The following KDM4B variants were observed in gnomAD, a reference collection of about 807,000 sequenced individuals.
KDM4B encodes lysine demethylase 4B, also known as lysine-specific demethylase 4B.
A neutral mutation model predicts 125.2 loss-of-function variants in KDM4B; 32 were observed. The observed-to-expected ratio is 0.26, with a 90% confidence interval of 0.19 to 0.34. The LOEUF is 0.34. KDM4B is among the 10% of genes least tolerant of loss of function. The pLI is 1.00. For missense variants in KDM4B, 1,190 were observed against 1,577.7 expected (o/e 0.75, Z 4.16); for synonymous variants, 721 against 677.9 (o/e 1.06, Z -0.99).
chr19:5,060,692 G>T (rs1045417902), intron 6 of KDM4B, among the ~76,000 whole-genome samples: 5 of 152,136 alleles, frequency 3.3e-5, no homozygotes, highest in Admixed American at 3.3e-4. Flanking sequence ...CGGTTTGACG[G>T]CAGGCACGTG....
At chr19:4,975,172 G>A (rs770498724) in intron 1 of KDM4B, among the ~76,000 whole-genome samples, 5 of 152,124 alleles carry the variant, frequency 3.3e-5, no homozygotes, top group Non-Finnish European at 7.4e-5. Context: ...TGGAAGGGCC[G>A]GAGAATAAAT....
intron 6 of KDM4B, among the ~76,000 whole-genome samples, chr19:5,057,029 CGTGTGTGTGTGTGT>C (rs74170763): frequency 3.9e-4 from 56 of 144,184 alleles, no homozygotes; most frequent in Middle Eastern, 3.5e-3. Flanking sequence ...GATATATATG[CGTGTGTGTGTGTGT>C]GTGTGTGTGT....
Position 4,993,531 on chromosome 19 carries a change from A to G in KDM4B, c.-108-22726A>G, listed in dbSNP as rs560181659. Among the ~76,000 whole-genome samples, 10 of 151,504 alleles carry G rather than the reference A, an allele frequency of 6.6e-5. No individual in the cohort carries two copies. The East Asian group carries it at 1.4e-3, about 20-fold the overall frequency. ...TGGGGCTCTGTTATTAGATGCATAT[A>G]TGTTTATAATTGCTGTATCTTGCTA... On this transcript the variant is annotated intron_variant, in intron 1 of 22. Coordinates refer to ENST00000159111, the MANE Select transcript of KDM4B (RefSeq NM_015015.3).
intron 2 of KDM4B, among the ~76,000 whole-genome samples, chr19:5,030,460 G>A (rs1359802820): frequency 2.0e-5 from 3 of 152,226 alleles, no homozygotes; most frequent in African/African-American, 7.2e-5. Flanking sequence ...GTCAGAGCCT[G>A]CAGAGGGGGG....
chr19:5,101,264 A>G, intron 9 of KDM4B, among the ~76,000 whole-genome samples: 1 of 149,196 alleles, frequency 6.7e-6, no homozygotes, highest in Non-Finnish European at 1.5e-5. Flanking sequence ...TCTGTTTCTT[A>G]CCAGGTTTTT....
intron 1 of KDM4B, among the ~76,000 whole-genome samples, chr19:5,005,126 G>T (rs145300569): frequency 9.2e-5 from 14 of 152,212 alleles, no homozygotes; most frequent in African/African-American, 3.4e-4. Context: ...TTGGAGATGC[G>T]TCTGTGCAGC....
rs2291147 is a variant in KDM4B, at chr19:5,077,829, C to T, written c.780+359C>T. On this transcript the variant is annotated intron_variant, in intron 8 of 22. Transcript: ENST00000159111. ...TGCCAAAGAAACAGAGGGCAGGGCC[C>T]CTCGTCCCGTGCAAGGTGGGAACCT... The T allele has an allele frequency of 1.4e-3, 371 of 262,082 alleles. 13 individuals are homozygous for T. The East Asian group carries it at 0.033, about 23-fold the overall frequency. The allele number at this position is 262,082 out of a possible 1,614,324, so 16.2% of individuals were successfully genotyped here.
chr19:5,093,106 GC>G (rs1323625212), intron 9 of KDM4B, among the ~76,000 whole-genome samples: 1 of 152,208 alleles, frequency 6.6e-6, no homozygotes, highest in African/African-American at 2.4e-5. Flanking sequence ...CTTGGGTGGT[GC>G]CTGGCACAGA....
rs139738652 is a variant in KDM4B, at chr19:5,089,505, C to T, written c.918+7001C>T. 2.1e-3 allele frequency among the ~76,000 whole-genome samples: 326 copies of T among 152,128 alleles called. 1 individual carries two copies. Among genetic ancestry groups the T allele is most frequent in the Non-Finnish European group, 3.3e-3 (227 of 68,010 alleles). On this transcript the variant is annotated intron_variant, in intron 9 of 22. Coordinates refer to ENST00000159111, the MANE Select transcript of KDM4B (RefSeq NM_015015.3). ...GTATCTTTGGGCATGGAGAGATGAG[C>T]GCGACAACTTTAAGGGAAAAAATAG... is the stretch of plus-strand genomic sequence containing the variant.
rs1266752740 is a variant in KDM4B at position 5,119,818 on chromosome 19, A to G, written c.1281A>G (p.Pro427=). The change falls in exon 11 of 23, where the codon CCA becomes CCG. Residue 427 remains proline, a synonymous_variant. Transcript: ENST00000159111. ...DPEEEEEEPQ[P]LPHGREAEGA... The stretch of plus-strand genomic sequence containing the variant: ...AGGAGGAGGAGGAGGAGCCGCAGCC[A>G]CTGCCACACGGCCGGGAGGCCGAGG... 6.5e-7 allele frequency: 1 copy of G among 1,544,424 alleles called. No homozygotes were observed. The highest frequency in any genetic ancestry group is 2.0e-5 in the Admixed American group (1 of 50,084).
chr19:5,046,288 A>G (rs1248487498), intron 5 of KDM4B, among the ~76,000 whole-genome samples: 1 of 152,216 alleles, frequency 6.6e-6, no homozygotes, highest in Non-Finnish European at 1.5e-5. Flanking sequence ...AGCGGGGGAA[A>G]CAGCCCACAG....
chr19:5,098,525 A>G (rs1040900793), intron 9 of KDM4B, among the ~76,000 whole-genome samples: 6 of 151,960 alleles, frequency 3.9e-5, no homozygotes, highest in Middle Eastern at 3.2e-3. Flanking sequence ...TGCTTGTGTT[A>G]CCTCATTTAA....
intron 1 of KDM4B, among the ~76,000 whole-genome samples, chr19:5,007,389 T>C (rs137922311): frequency 3.5e-4 from 53 of 152,348 alleles, no homozygotes; most frequent in Non-Finnish European, 6.0e-4. Context: ...AAATGTCTGC[T>C]CCATCCTTTG....
At position 5,084,343 on chromosome 19, in the gene KDM4B, TTGTA is replaced by T. The variant is rs993004799; in HGVS notation, c.918+1844_918+1847del. ...TTATATATTGTATATAATTTATATATTGTATGTAATTTATATATTGTATATAATT... is the reference window on the plus strand; with the variant it reads ...TTATATATTGTATATAATTTATATATTGTAATTTATATATTGTATATAATT... On this transcript the variant is annotated intron_variant, in intron 9 of 22. Coordinates refer to ENST00000159111, the MANE Select transcript of KDM4B (RefSeq NM_015015.3). Among the ~76,000 whole-genome samples the T allele has an allele frequency of 3.7e-3, 537 of 145,286 alleles. 3 individuals carry two copies. The highest frequency in any genetic ancestry group is 0.013 in the African/African-American group (517 of 39,928).
At chr19:4,988,447 T>C (rs1411007805) in intron 1 of KDM4B, among the ~76,000 whole-genome samples, 1 of 152,058 alleles carries the variant, frequency 6.6e-6, no homozygotes, top group African/African-American at 2.4e-5. Context: ...GGCTAATTTT[T>C]TGTATTTTTA....
chr19:5,115,130 G>A lies in KDM4B; in HGVS notation c.1115+4312G>A, dbSNP rs1258462038. 6.6e-6 allele frequency among the ~76,000 whole-genome samples: 1 copy of A among 152,190 alleles called. No individual in the cohort carries two copies. The highest frequency in any genetic ancestry group is 1.9e-4 in the East Asian group (1 of 5,184). On this transcript the variant is annotated intron_variant, in intron 10 of 22. Transcript: ENST00000159111. This position sits in a 1 kb window ranked among gnomAD's most constrained non-coding sequence, Gnocchi z 4.2. The stretch of plus-strand genomic sequence containing the variant: ...CCATGGGCCGGCAACCAGGAGGACA[G>A]CCAGCAGGGAGCAGCTGGGCTGCAC...
At chr19:5,098,236 A>G (rs991236836) in intron 9 of KDM4B, among the ~76,000 whole-genome samples, 2 of 152,216 alleles carry the variant, frequency 1.3e-5, no homozygotes, top group African/African-American at 4.8e-5. Flanking sequence ...TTCTTTTGCA[A>G]TATGATGTTA....
At chr19:5,132,334 G>T (rs1422074666) in intron 13 of KDM4B, among the ~76,000 whole-genome samples, 1 of 152,186 alleles carries the variant, frequency 6.6e-6, no homozygotes, top group Non-Finnish European at 1.5e-5. Context: ...ACTTGGAGAG[G>T]TTGGAACAAA....
intron 11 of KDM4B, among the ~76,000 whole-genome samples, chr19:5,124,910 T>C (rs889681466): frequency 2.1e-4 from 32 of 149,934 alleles, no homozygotes; most frequent in African/African-American, 7.6e-4. Context: ...TTTCTTTTCT[T>C]TTTTTTTGAA....
Sources: gnomAD v4.1 joint callset for allele counts (sites outside exome capture counted in the v4.1 genomes callset) on GRCh38, gnomAD v4.1.1 for gene constraint, Gnocchi (gnomAD v3.1) non-coding constraint, MANE v1.5 for transcripts, NCBI Gene and HGNC (gene_info 2026-07-23, HGNC 2026-07-21) for gene names.